The following STPG2 variants were observed in gnomAD, a reference collection of about 807,000 sequenced individuals.
STPG2 encodes the protein sperm tail PG-rich repeat containing 2.
STPG2 carries 56 observed loss-of-function variants against 54.2 expected under a neutral mutation model. That is an observed-to-expected ratio of 1.03 (90% CI 0.83 to 1.29). The LOEUF (loss-of-function observed/expected upper bound fraction) is 1.29. Among genes scored for constraint, STPG2 ranks in the 50% most tolerant of loss-of-function variants. The probability of loss-of-function intolerance (pLI) is 0.00; values close to 1 mark genes in which losing one functional copy is unlikely to be tolerated. For synonymous variants in STPG2, 200 were observed against 181.8 expected, an observed-to-expected ratio of 1.10 and a Z score of -0.81; for missense variants, 596 against 544.9, an observed-to-expected ratio of 1.09 and a Z score of -0.93.
intron 4 of STPG2, among the ~76,000 whole-genome samples, chr4:97,546,598 AAAG>A (rs527964269): frequency 6.6e-4 from 100 of 152,246 alleles, no homozygotes; most frequent in Middle Eastern, 3.4e-3. Flanking sequence ...GAAAATGGAG[AAAG>A]AAAAACCTTG....
chr4:97,644,485 C>T (rs1193086482), intron 10 of STPG2, among the ~76,000 whole-genome samples: 1 of 151,918 alleles, frequency 6.6e-6, no homozygotes, highest in Non-Finnish European at 1.5e-5. Context: ...TTGTGACAAA[C>T]TGTCTGGAAG....
At chr4:97,960,387 T>C (rs60254097) in intron 7 of STPG2, among the ~76,000 whole-genome samples, 2,610 of 152,166 alleles carry the variant, frequency 0.017, 76 homozygotes, top group African/African-American at 0.059. Context: ...GGCATGCAAA[T>C]TGGTAAAGAG....
At chr4:97,959,240 A>G (rs1733796840) in intron 7 of STPG2, among the ~76,000 whole-genome samples, 1 of 152,172 alleles carries the variant, frequency 6.6e-6, no homozygotes, top group Non-Finnish European at 1.5e-5. Context: ...AGGAAAGTTC[A>G]TAGCCCTAAA....
At chr4:97,775,614 T>C (rs1268077771) in intron 9 of STPG2, among the ~76,000 whole-genome samples, 1 of 152,146 alleles carries the variant, frequency 6.6e-6, no homozygotes, top group Non-Finnish European at 1.5e-5. Context: ...TCTAAATTGT[T>C]AGTTGGAGGA....
intron 5 of STPG2, among the ~76,000 whole-genome samples, chr4:98,088,855 G>T (rs550962376): frequency 6.6e-6 from 1 of 151,906 alleles, no homozygotes; most frequent in Non-Finnish European, 1.5e-5. Context: ...ACTGCTATCT[G>T]CTGTCTTCAA....
At chr4:97,914,083 C>A (rs1487521943) in intron 8 of STPG2, among the ~76,000 whole-genome samples, 1 of 152,078 alleles carries the variant, frequency 6.6e-6, no homozygotes, top group East Asian at 1.9e-4. Context: ...TACAATCAAA[C>A]CTTTGAAATG....
At chr4:98,038,166 C>T (rs1736831782) in intron 5 of STPG2, among the ~76,000 whole-genome samples, 2 of 152,130 alleles carry the variant, frequency 1.3e-5, no homozygotes, top group South Asian at 4.1e-4. Context: ...CATGTTACTG[C>T]ACCTGGCTTG....
intron 5 of STPG2, among the ~76,000 whole-genome samples, chr4:98,020,783 A>T (rs974054216): frequency 2.0e-5 from 3 of 152,104 alleles, no homozygotes; most frequent in Non-Finnish European, 4.4e-5. Flanking sequence ...CCATTTCTTC[A>T]AGATTTTCTA....
intron 4 of STPG2, among the ~76,000 whole-genome samples, chr4:97,520,687 C>A (rs1731162288): frequency 6.6e-6 from 1 of 151,886 alleles, no homozygotes; most frequent in Non-Finnish European, 1.5e-5. Context: ...GATGCTATTT[C>A]AGAAAAAGTG....
At chr4:97,916,199 G>A (rs1339909442) in intron 8 of STPG2, among the ~76,000 whole-genome samples, 1 of 152,180 alleles carries the variant, frequency 6.6e-6, no homozygotes, top group East Asian at 1.9e-4. Context: ...GGAGCAATGA[G>A]TAAAAGGAAT....
At chr4:97,507,716 T>C (rs72684407) in intron 4 of STPG2, among the ~76,000 whole-genome samples, 35 of 152,158 alleles carry the variant, frequency 2.3e-4, no homozygotes, top group Non-Finnish European at 2.9e-5. Flanking sequence ...AAAAGTGCTA[T>C]ACATATGATG....
At chr4:97,707,568 G>C (rs1723988077) in intron 10 of STPG2, among the ~76,000 whole-genome samples, 1 of 151,554 alleles carries the variant, frequency 6.6e-6, no homozygotes, top group Non-Finnish European at 1.5e-5. Context: ...GGAGGGAGGG[G>C]GGAAGTACTA....
chr4:97,888,393 C>T (rs1027931383), intron 8 of STPG2, among the ~76,000 whole-genome samples: 10 of 152,190 alleles, frequency 6.6e-5, no homozygotes, highest in Non-Finnish European at 1.2e-4. Flanking sequence ...TGGGAGCAGA[C>T]CCCTTGCACC....
chr4:97,465,416 G>T (rs1461319600), intron 4 of STPG2, among the ~76,000 whole-genome samples: 1 of 152,120 alleles, frequency 6.6e-6, no homozygotes, highest in Admixed American at 6.6e-5. Context: ...GCTGAATCCA[G>T]AAGTCTATTT....
At chr4:97,761,309 C>T (rs1296034516) in intron 9 of STPG2, among the ~76,000 whole-genome samples, 1 of 151,828 alleles carries the variant, frequency 6.6e-6, no homozygotes, top group Non-Finnish European at 1.5e-5. Context: ...GGTGTTCTTA[C>T]AATAAAAGAA....
intron 4 of STPG2, among the ~76,000 whole-genome samples, chr4:98,107,734 T>A (rs1006610051): frequency 1.3e-4 from 19 of 151,814 alleles, no homozygotes; most frequent in Admixed American, 4.6e-4. Context: ...TGATTTATGC[T>A]ATTTAAACCT....
intron 8 of STPG2, among the ~76,000 whole-genome samples, chr4:97,850,827 C>G (rs1729136713): frequency 6.6e-6 from 1 of 151,982 alleles, no homozygotes; most frequent in African/African-American, 2.4e-5. Flanking sequence ...CATTGATATT[C>G]TAAATAAAAT....
At chr4:98,117,051 G>T (rs1034281586) in intron 3 of STPG2, among the ~76,000 whole-genome samples, 3 of 151,886 alleles carry the variant, frequency 2.0e-5, no homozygotes, top group African/African-American at 7.2e-5. Flanking sequence ...AATTATTTAT[G>T]TGAATTTGAG....
intron 8 of STPG2, among the ~76,000 whole-genome samples, chr4:97,896,671 T>G (rs1296437951): frequency 6.6e-6 from 1 of 151,824 alleles, no homozygotes; most frequent in Non-Finnish European, 1.5e-5. Context: ...TTATGGGACA[T>G]CTTTATGAAT....
Sources: allele counts gnomAD v4.1 joint callset (sites outside exome capture counted in the v4.1 genomes callset), GRCh38; gene constraint gnomAD v4.1.1; transcripts MANE v1.5; gene names NCBI Gene and HGNC (gene_info 2026-07-23, HGNC 2026-07-21).